Variants in ATP2B3 observed in about 807,000 individuals in gnomAD.
ATP2B3 encodes ATPase plasma membrane Ca2+ transporting 3, also known as plasma membrane calcium-transporting ATPase 3.
Under a neutral mutation model 70.8 loss-of-function variants are expected in ATP2B3, and 12 were observed. The observed-to-expected ratio is 0.17, with a 90% CI of 0.11 to 0.27. The LOEUF is 0.27. Among genes scored for constraint, ATP2B3 ranks in the 10% least tolerant of loss-of-function variants. ATP2B3 has a pLI of 1.00. For missense variants in ATP2B3, 858 were observed against 1,118.5 expected (o/e 0.77, Z 3.32); for synonymous variants, 460 against 497.8 (o/e 0.92, Z 1.01).
chrX:153,556,802 G>T, intron 15 of ATP2B3, 115 bp from the exon 16 acceptor site: 1 of 720,671 alleles, frequency 1.4e-6, no homozygotes, highest in South Asian at 2.3e-5. Flanking sequence ...GTCAGGACGG[G>T]GTAATCCCAA....
chrX:153,549,129 G>A (rs1411008054), intron 10 of ATP2B3, among the ~76,000 whole-genome samples: 4 of 104,447 alleles, frequency 3.8e-5, no homozygotes, highest in African/African-American at 7.1e-5. Flanking sequence ...GGGAGGCAGC[G>A]GGGAAGCGGA....
At chrX:153,561,139 C>G in intron 19 of ATP2B3, among the ~76,000 whole-genome samples, 1 of 112,256 alleles carries the variant, frequency 8.9e-6, no homozygotes, top group Non-Finnish European at 1.9e-5. Context: ...GAGCCCTCAT[C>G]GGAACGAAGT....
chrX:153,527,622 C>T (rs998147228), intron 2 of ATP2B3, among the ~76,000 whole-genome samples: 1 of 112,893 alleles, frequency 8.9e-6, no homozygotes, highest in South Asian at 3.7e-4. Flanking sequence ...CCAACCTCCC[C>T]GTGGGATCCA....
Position 153,553,044 on chromosome X carries a change from CAT to C in ATP2B3, c.1834_1835del (p.Ile612LeufsTer54). ...CCCACCCCCTGCCTAGGTGCACCAA[CAT>C]CTTGAACAGCAATGGCGAACTCCGG... ...SEILLKKCTNILNSNGELRGF... is the reference protein window; with the variant it reads ...SEILLKKCTNXLNSNGELRGF... On this transcript the variant is annotated frameshift_variant, in exon 13 of 22. Coordinates refer to ENST00000263519, the MANE Select transcript of ATP2B3 (RefSeq NM_001001344.3). LOFTEE classifies it high-confidence loss of function. The C allele has an allele frequency of 8.3e-7, 1 of 1,202,802 alleles. No individual in the cohort carries two copies. Among genetic ancestry groups the C allele is most frequent in the Non-Finnish European group, 1.1e-6 (1 of 888,038 alleles).
rs782193529 is a variant in ATP2B3, at chrX:153,558,183, C to T, written c.2505C>T (p.Ile835=). ...IILTDDNFTS[I]VKAVMWGRNV... ...TGACCGATGACAACTTCACCAGCAT[C>T]GTCAAGGCAGTCATGTGGGGCCGTA... is the stretch of plus-strand genomic sequence containing the variant. The change falls in exon 17 of 22, where the codon ATC becomes ATT. Residue 835 remains isoleucine, a synonymous_variant. Transcript: ENST00000263519. 2.6e-5 allele frequency: 31 copies of T among 1,209,784 alleles called. No homozygotes were observed. In the Middle Eastern group the frequency reaches 6.9e-4, roughly 27 times the overall value.
intron 14 of ATP2B3, 36 bp from the exon 15 acceptor site, chrX:153,556,295 T>A: frequency 8.3e-7 from 1 of 1,200,760 alleles, no homozygotes; most frequent in African/African-American, 1.8e-5. Context: ...CGTGCCCGCC[T>A]TAGCTCTGCA....
At position 153,558,219 on chromosome X, in the gene ATP2B3, C is replaced by G; in HGVS notation, c.2541C>G (p.Asp847Glu). The change falls in exon 17 of 22, where the codon GAC (aspartate) becomes GAG (glutamate). Residue 847 changes from aspartate to glutamate, a missense_variant. Around this residue, in one of 5 missense-constraint regions of ATP2B3, gnomAD observed 50 missense variants for 106.7 expected, o/e 0.47. Transcript: ENST00000263519. ...KAVMWGRNVYDSISKFLQFQL... is the reference protein window; with the variant it reads ...KAVMWGRNVYESISKFLQFQL... The stretch of plus-strand genomic sequence containing the variant: ...TCATGTGGGGCCGTAACGTCTATGA[C>G]AGCATCTCCAAGTTCCTGCAGTTTC... 8.3e-7 allele frequency: 1 copy of G among 1,211,868 alleles called. No homozygotes were observed. Among genetic ancestry groups the G allele is most frequent in the Middle Eastern group, 2.3e-4 (1 of 4,352 alleles).
chrX:153,528,607 A>G (rs1307813595), intron 2 of ATP2B3, among the ~76,000 whole-genome samples: 1 of 111,052 alleles, frequency 9.0e-6, no homozygotes, highest in Non-Finnish European at 1.9e-5. Flanking sequence ...CCAGCATAAC[A>G]GTGGCTTCAG....
chrX:153,556,860 C>A, intron 15 of ATP2B3, 57 bp from the exon 16 acceptor site: 1 of 1,121,028 alleles, frequency 8.9e-7, no homozygotes, highest in East Asian at 3.3e-5. Flanking sequence ...GGCAGGGCTA[C>A]ACAGGGTTGT....
chrX:153,541,162 C>G (rs1261819539), intron 3 of ATP2B3, among the ~76,000 whole-genome samples, 197 bp from the exon 4 acceptor site: 2 of 112,473 alleles, frequency 1.8e-5, no homozygotes, highest in Non-Finnish European at 3.8e-5. Context: ...GCCGCATGCT[C>G]ACTCCCACGT....
chrX:153,567,685 G>A (rs950929013), intron 21 of ATP2B3, among the ~76,000 whole-genome samples: 9 of 112,023 alleles, frequency 8.0e-5, no homozygotes, highest in Non-Finnish European at 1.5e-4. Context: ...AGAGTTCCAG[G>A]CTGTTCCAAT....
intron 16 of ATP2B3, among the ~76,000 whole-genome samples, chrX:153,557,483 C>T (rs927548174): frequency 3.1e-4 from 35 of 112,347 alleles, no homozygotes; most frequent in African/African-American, 6.8e-4. Context: ...AGCCACTGAA[C>T]GCAGCAACCT....
intron 13 of ATP2B3, among the ~76,000 whole-genome samples, chrX:153,555,371 T>C (rs1283701721): frequency 5.5e-5 from 6 of 110,089 alleles, no homozygotes; most frequent in Admixed American, 2.8e-4. Context: ...CGGCCACACC[T>C]AGGCTTCTAC....
chrX:153,527,471 G>A (rs927661961), intron 2 of ATP2B3, among the ~76,000 whole-genome samples: 7 of 112,925 alleles, frequency 6.2e-5, no homozygotes, highest in African/African-American at 1.6e-4. Context: ...TCGCACACCC[G>A]CTGTAATTGG....
chrX:153,565,089 C>T lies in ATP2B3; in HGVS notation c.3328C>T (p.Arg1110Trp). ...GATCCTCTGGTTCCGGGGCCTGAAC[C>T]GGATTCAGACGCAGGTAAGCCCCGA... is the stretch of plus-strand genomic sequence containing the variant. ...GQILWFRGLN[R>W]IQTQIRVVKA... The change falls in exon 21 of 22, where the codon CGG becomes TGG. Residue 1110 changes from arginine to tryptophan, a missense_variant. Physicochemically the swap from Arg to Trp is moderately radical, Grantham distance 101. Transcript: ENST00000263519. 8.4e-7 allele frequency: 1 copy of T among 1,185,313 alleles called. No homozygotes were observed. Among genetic ancestry groups the T allele is most frequent in the Non-Finnish European group, 1.1e-6 (1 of 881,970 alleles).
chrX:153,543,518 C>T (rs189396620), intron 7 of ATP2B3, among the ~76,000 whole-genome samples: 2 of 112,700 alleles, frequency 1.8e-5, no homozygotes, highest in East Asian at 2.8e-4. Context: ...AGTAAGGTGC[C>T]GAGGATCCCA....
At chrX:153,530,182 G>C (rs2090094924) in intron 2 of ATP2B3, among the ~76,000 whole-genome samples, 2 of 112,508 alleles carry the variant, frequency 1.8e-5, no homozygotes, top group African/African-American at 6.5e-5. Context: ...TTCTGGGCCA[G>C]CCCTGGAGCC....
intron 16 of ATP2B3, among the ~76,000 whole-genome samples, chrX:153,557,445 G>T (rs1489502631): frequency 8.9e-6 from 1 of 112,302 alleles, no homozygotes; most frequent in Non-Finnish European, 1.9e-5. Context: ...CACCCACATG[G>T]CTGGTTGCGG....
chrX:153,558,835 C>T (rs1014323130), intron 17 of ATP2B3, among the ~76,000 whole-genome samples: 3 of 111,692 alleles, frequency 2.7e-5, no homozygotes, highest in African/African-American at 6.5e-5. Flanking sequence ...ACACATGGCT[C>T]GTTCCCACTT....
Sources: gnomAD v4.1 joint callset for allele counts (sites outside exome capture counted in the v4.1 genomes callset) on GRCh38, gnomAD v4.1.1 for gene constraint, gnomAD v4.1.1 regional missense constraint, MANE v1.5 for transcripts, NCBI Gene and HGNC (gene_info 2026-07-23, HGNC 2026-07-21) for gene names.